The following DACH2 variants were observed in gnomAD, a reference collection of about 807,000 sequenced individuals.
The protein encoded by DACH2 is dachshund homolog 2.
In DACH2, 17 loss-of-function variants were observed where a neutral mutation model predicts 35.8. The observed-to-expected ratio is 0.48, with a 90% confidence interval of 0.33 to 0.71. DACH2 has a LOEUF of 0.71. DACH2 is among the 30% of genes least tolerant of loss of function. The pLI, the probability that DACH2 is intolerant of heterozygous loss-of-function variation, is 0.02. For missense variants in DACH2, 469 were observed against 472.7 expected (o/e 0.99, Z 0.07); for synonymous variants, 195 against 177.3 (o/e 1.10, Z -0.79).
Position 86,284,610 on chromosome X carries a change from G to T in DACH2, c.489-92214G>T, listed in dbSNP as rs956699558. On this transcript the variant is annotated intron_variant, in intron 1 of 11. Transcript: ENST00000373125. ...TGGTTTTGGAATCAGAGTAGTACTGGTTTCATAGAATGAGTTTGGAAGCAT... is the reference window on the plus strand; with the variant it reads ...TGGTTTTGGAATCAGAGTAGTACTGTTTTCATAGAATGAGTTTGGAAGCAT... 2.9e-5 allele frequency among the ~76,000 whole-genome samples: 3 copies of T among 104,835 alleles called. No homozygotes were observed. In the Admixed American group the frequency reaches 3.2e-4, roughly 11 times the overall value. The allele number at this position is 104,835 out of a possible 115,157, so 91.0% of individuals were successfully genotyped here.
chrX:86,497,624 A>T lies in DACH2; in HGVS notation c.528-16655A>T, dbSNP rs192533330. Among the ~76,000 whole-genome samples the T allele has an allele frequency of 1.1e-4, 12 of 111,084 alleles. No individual in the cohort carries two copies. The East Asian group carries it at 3.4e-3, about 32-fold the overall frequency. On this transcript the variant is annotated intron_variant, in intron 2 of 11. Transcript: ENST00000373125. ...TAGGGATGGTTAAAAAGGTCTTAAG[A>T]TGGTGATGTGTGGCACTCTGCTTTA...
intron 2 of DACH2, among the ~76,000 whole-genome samples, chrX:86,511,720 G>T (rs902461420): frequency 2.7e-5 from 3 of 111,620 alleles, no homozygotes; most frequent in Non-Finnish European, 5.6e-5. Context: ...GACTGAATAA[G>T]TGATATCGTT....
chrX:86,246,972 G>A (rs2033297884), intron 1 of DACH2, among the ~76,000 whole-genome samples: 1 of 111,257 alleles, frequency 9.0e-6, no homozygotes, highest in Non-Finnish European at 1.9e-5. Context: ...CAAAGAAAAG[G>A]GATAGAGAAA....
chrX:86,515,336 A>T (rs886994606), intron 3 of DACH2, among the ~76,000 whole-genome samples: 2 of 110,395 alleles, frequency 1.8e-5, no homozygotes, highest in African/African-American at 3.3e-5. Context: ...GTTGGGTAAT[A>T]CTCCATAAGA....
At chrX:86,382,882 C>T (rs904034903) in intron 2 of DACH2, among the ~76,000 whole-genome samples, 9 of 110,956 alleles carry the variant, frequency 8.1e-5, no homozygotes, top group Non-Finnish European at 1.9e-5. Context: ...GAGAATCCCA[C>T]GTAAGTTGCT....
chrX:86,349,145 G>C (rs994624507), intron 1 of DACH2, among the ~76,000 whole-genome samples: 1 of 111,941 alleles, frequency 8.9e-6, no homozygotes, highest in Non-Finnish European at 1.9e-5. Context: ...TTAAGTGCAA[G>C]GTTTTTTATT....
chrX:86,245,189 A>C (rs2033251872), intron 1 of DACH2, among the ~76,000 whole-genome samples: 1 of 111,988 alleles, frequency 8.9e-6, no homozygotes, highest in Admixed American at 9.5e-5. Flanking sequence ...GCATTGAAAA[A>C]AAACTCAGTG....
At chrX:86,300,785 T>A (rs933954141) in intron 1 of DACH2, among the ~76,000 whole-genome samples, 1 of 112,427 alleles carries the variant, frequency 8.9e-6, no homozygotes, top group Admixed American at 9.5e-5. Flanking sequence ...AATACTTGAC[T>A]ATACAATTTA....
intron 7 of DACH2, among the ~76,000 whole-genome samples, chrX:86,744,375 T>TC (rs1437313692): frequency 9.0e-6 from 1 of 111,535 alleles, no homozygotes; most frequent in Admixed American, 9.6e-5. Flanking sequence ...AAATATATTT[T>TC]CCTGAAATAG....
At chrX:86,556,115 CT>C (rs2039114750) in intron 3 of DACH2, among the ~76,000 whole-genome samples, 1 of 111,233 alleles carries the variant, frequency 9.0e-6, no homozygotes, top group African/African-American at 3.3e-5. Context: ...CTTCAGATGC[CT>C]TTATTCATTT....
At chrX:86,471,843 A>G (rs1365165514) in intron 2 of DACH2, among the ~76,000 whole-genome samples, 2 of 111,643 alleles carry the variant, frequency 1.8e-5, no homozygotes, top group Admixed American at 9.6e-5. Flanking sequence ...ATAACCACCT[A>G]TTATATTCTT....
intron 3 of DACH2, among the ~76,000 whole-genome samples, chrX:86,631,388 A>G (rs1297591730): frequency 4.5e-5 from 5 of 112,075 alleles, no homozygotes; most frequent in African/African-American, 1.6e-4. Context: ...GTGATATATA[A>G]CATTAACATT....
chrX:86,356,431 T>C (rs1344025721), intron 1 of DACH2, among the ~76,000 whole-genome samples: 32 of 111,743 alleles, frequency 2.9e-4, no homozygotes, highest in Non-Finnish European at 6.0e-4. Context: ...TTTTCATTAC[T>C]GTAGCCTTGT....
intron 3 of DACH2, among the ~76,000 whole-genome samples, chrX:86,550,631 T>A (rs965321661): frequency 1.2e-4 from 13 of 111,315 alleles, no homozygotes; most frequent in African/African-American, 3.9e-4. Context: ...GAGGAAAAAA[T>A]TCTGCACCCA....
intron 4 of DACH2, among the ~76,000 whole-genome samples, chrX:86,661,210 A>G (rs2040601447): frequency 8.9e-6 from 1 of 112,248 alleles, no homozygotes; most frequent in African/African-American, 3.2e-5. Flanking sequence ...TGGTTTTAGT[A>G]TATTTACAGA....
intron 1 of DACH2, among the ~76,000 whole-genome samples, chrX:86,153,138 C>T (rs1050440125): frequency 9.0e-6 from 1 of 111,112 alleles, no homozygotes; most frequent in African/African-American, 3.3e-5. Context: ...TAATGTTATT[C>T]GGTCATTTAG....
intron 2 of DACH2, among the ~76,000 whole-genome samples, chrX:86,390,799 A>G (rs184811841): frequency 7.3e-4 from 80 of 109,191 alleles, no homozygotes; most frequent in African/African-American, 2.6e-3. Context: ...CATATTGACC[A>G]GGCTGGTCTT....
chrX:86,342,653 A>G (rs1353134957), intron 1 of DACH2, among the ~76,000 whole-genome samples: 4 of 109,394 alleles, frequency 3.7e-5, no homozygotes, highest in Non-Finnish European at 5.7e-5. Context: ...CTAAAAATAC[A>G]AAAATTAGCC....
Position 86,159,654 on chromosome X carries a change from A to G in DACH2, c.488+10546A>G, listed in dbSNP as rs6617197. On this transcript the variant is annotated intron_variant, in intron 1 of 11. Coordinates refer to ENST00000373125, the MANE Select transcript of DACH2 (RefSeq NM_053281.3). ...ATTTAGTAAGCACCTACTATGTGCAAGGCTCCTTATCAGGGGAAGTGGTGA... is the reference window on the plus strand; with the variant it reads ...ATTTAGTAAGCACCTACTATGTGCAGGGCTCCTTATCAGGGGAAGTGGTGA... Among the ~76,000 whole-genome samples, 67 of 112,091 alleles carry G rather than the reference A, an allele frequency of 6.0e-4. No individual in the cohort carries two copies. In the East Asian group the frequency reaches 0.017, roughly 28 times the overall value.
Sources: gnomAD v4.1 joint callset for allele counts (sites outside exome capture counted in the v4.1 genomes callset) on GRCh38, gnomAD v4.1.1 for gene constraint, MANE v1.5 for transcripts, NCBI Gene and HGNC (gene_info 2026-07-23, HGNC 2026-07-21) for gene names.